Variants in RFX7 observed in about 807,000 individuals in gnomAD.
RFX7 encodes regulatory factor X7.
A neutral mutation model predicts 111.8 loss-of-function variants in RFX7; 26 were observed. The ratio of observed to expected loss-of-function variants is 0.23; its 90% CI spans 0.17 to 0.32. The LOEUF is 0.32. RFX7 is among the 10% of genes least tolerant of loss of function. RFX7 has a pLI of 1.00. For synonymous variants in RFX7, 624 were observed against 624.4 expected (o/e 1.00, Z 0.01); for missense variants, 1,573 against 1,772.9 (o/e 0.89, Z 2.02).
intron 3 of RFX7, 161 bp downstream of exon 3, chr15:56,179,109 C>T: frequency 1.0e-5 from 3 of 293,100 alleles, no homozygotes; most frequent in South Asian, 1.0e-4. Context: ...ATCTAGGTAG[C>T]TTATAAACAA....
chr15:56,117,966 TCC>T (rs1354135714), intron 5 of RFX7, among the ~76,000 whole-genome samples: 7 of 152,140 alleles, frequency 4.6e-5, no homozygotes, highest in Non-Finnish European at 7.4e-5. Flanking sequence ...CAGATTTCTT[TCC>T]TTTGGCTAAA....
intron 2 of RFX7, among the ~76,000 whole-genome samples, chr15:56,213,738 A>G (rs1342316664): frequency 1.3e-5 from 2 of 152,252 alleles, no homozygotes; most frequent in Admixed American, 6.5e-5. Flanking sequence ...ATGTGAACCA[A>G]CAATTATCCC....
chr15:56,213,287 C>T (rs1484211533), intron 2 of RFX7, among the ~76,000 whole-genome samples: 1 of 152,118 alleles, frequency 6.6e-6, no homozygotes, highest in East Asian at 1.9e-4. Flanking sequence ...TGGAATCAAT[C>T]CATATATCCT....
chr15:56,098,360 G>A lies in RFX7; in HGVS notation c.828C>T (p.Thr276=), dbSNP rs753509760. The part of the protein sequence containing the change: ...AAAPAGMKGI[T]QPSAFIPTAE... ...CTGTAGGTATAAAAGCAGAAGGCTG[G>A]GTAATTCCTTTCATTCCTGAAAATA... The change falls in exon 9 of 10, where the codon ACC becomes ACT. Residue 276 remains threonine, a synonymous_variant. Coordinates refer to ENST00000559447, the MANE Select transcript of RFX7 (RefSeq NM_022841.7). The A allele has an allele frequency of 6.3e-7, 1 of 1,598,304 alleles. No homozygotes were observed.
At chr15:56,240,991 A>C (rs1430193134) in intron 2 of RFX7, among the ~76,000 whole-genome samples, 1 of 152,118 alleles carries the variant, frequency 6.6e-6, no homozygotes, top group Non-Finnish European at 1.5e-5. Context: ...TGACACTATT[A>C]AGTATATTTA....
intron 2 of RFX7, among the ~76,000 whole-genome samples, chr15:56,200,149 C>T (rs2043180235): frequency 6.6e-6 from 1 of 152,084 alleles, no homozygotes; most frequent in Non-Finnish European, 1.5e-5. Context: ...AGTGCTGAAC[C>T]TTCAGAGGTA....
chr15:56,211,812 A>G (rs1159388622), intron 2 of RFX7, among the ~76,000 whole-genome samples: 1 of 152,138 alleles, frequency 6.6e-6, no homozygotes, highest in Non-Finnish European at 1.5e-5. Flanking sequence ...AATGCAAACT[A>G]AAACACCAAT....
rs111226902 is a variant in RFX7 at position 56,242,840 on chromosome 15, A to G, written c.161+285T>C. Among the ~76,000 whole-genome samples, 3 of 152,154 alleles carry G rather than the reference A, an allele frequency of 2.0e-5. No homozygotes were observed. In the South Asian group the frequency reaches 6.2e-4, roughly 31 times the overall value. ...ATGCAATATGACTTAATTTCGACCC[A>G]TATTTCTGTTACAATGAGTGAAAAA... On this transcript the variant is annotated intron_variant, in intron 2 of 9. Transcript: ENST00000559447.
chr15:56,140,199 G>A (rs1467690846), intron 5 of RFX7, among the ~76,000 whole-genome samples: 1 of 152,196 alleles, frequency 6.6e-6, no homozygotes, highest in Non-Finnish European at 1.5e-5. Context: ...GCTATGGCGG[G>A]CGCCCCTCCC....
Position 56,096,515 on chromosome 15 carries a change from C to G in RFX7, c.1213G>C (p.Val405Leu), listed in dbSNP as rs753764184. 7 of 1,603,468 alleles carry G rather than the reference C, an allele frequency of 4.4e-6. No homozygotes were observed. The highest frequency in any genetic ancestry group is 6.0e-6 in the Non-Finnish European group (7 of 1,174,870). ...VQVVTQHMQSVKQAPKTPQNV... is the reference protein window; with the variant it reads ...VQVVTQHMQSLKQAPKTPQNV... ...TGGGGAGTCTTTGGTGCCTGTTTCA[C>G]AGACTGCATGTGCTGAGTGACCACC... The change falls in exon 10 of 10, where the codon GTG becomes CTG. Residue 405 changes from valine (V) to leucine (L), a missense_variant. By Grantham distance (32) the Val-to-Leu change is conservative (BLOSUM62 1). Coordinates refer to ENST00000559447, the MANE Select transcript of RFX7 (RefSeq NM_022841.7).
At chr15:56,186,448 A>T (rs1401688288) in intron 2 of RFX7, among the ~76,000 whole-genome samples, 16 of 152,112 alleles carry the variant, frequency 1.1e-4, no homozygotes, top group African/African-American at 3.6e-4. Flanking sequence ...CTATGAATTT[A>T]ATTTCTCTTT....
At chr15:56,232,920 C>T (rs1421224153) in intron 2 of RFX7, among the ~76,000 whole-genome samples, 1 of 152,196 alleles carries the variant, frequency 6.6e-6, no homozygotes, top group Non-Finnish European at 1.5e-5. Context: ...TTCAACAAGT[C>T]TCTAGGGAGT....
intron 5 of RFX7, among the ~76,000 whole-genome samples, chr15:56,137,498 TTCTC>T (rs1274911075): frequency 1.3e-5 from 2 of 152,220 alleles, no homozygotes; most frequent in South Asian, 2.1e-4. Context: ...TATTCGATTC[TTCTC>T]TCTTTTTTTC....
intron 3 of RFX7, among the ~76,000 whole-genome samples, chr15:56,152,840 G>C (rs1005140638): frequency 2.0e-4 from 30 of 146,784 alleles, no homozygotes; most frequent in Admixed American, 6.8e-5. Context: ...AATGAGAGAA[G>C]AGTCAAATAG....
intron 4 of RFX7, 27 bp downstream of exon 4, chr15:56,144,374 T>A: frequency 7.9e-7 from 1 of 1,266,558 alleles, no homozygotes; most frequent in Non-Finnish European, 1.1e-6. Flanking sequence ...AACAGCATAA[T>A]TATAGCAAAG....
At position 56,095,738 on chromosome 15, in the gene RFX7, A is replaced by C. The variant is rs552123695; in HGVS notation, c.1990T>G (p.Leu664Val). Residue 664 changes from leucine to valine, a missense_variant, in exon 10 of 10, where the codon TTG (leucine) becomes GTG (valine). By Grantham distance (32) the Leu-to-Val change is conservative. Around this residue, in one of 7 missense-constraint regions of RFX7, gnomAD observed 625 missense variants for 632.2 expected, o/e 0.99. Transcript: ENST00000559447. ...KSPRKRLSST[L>V]QETQVPPVKK... ...ACAGGAGGCACCTGGGTCTCCTGCAATGTAGAAGACAGTCGTTTTCTTGGG... is the reference window on the plus strand; with the variant it reads ...ACAGGAGGCACCTGGGTCTCCTGCACTGTAGAAGACAGTCGTTTTCTTGGG... 5 of 1,613,802 alleles carry C rather than the reference A, an allele frequency of 3.1e-6. No individual in the cohort carries two copies. The highest frequency in any genetic ancestry group is 4.2e-6 in the Non-Finnish European group (5 of 1,179,868).
rs759625188 is a variant in RFX7 at position 56,142,809 on chromosome 15, G to C, written c.370C>G (p.Leu124Val). 2 of 1,613,294 alleles carry C rather than the reference G, an allele frequency of 1.2e-6. No homozygotes were observed. The highest frequency in any genetic ancestry group is 1.7e-6 in the Non-Finnish European group (2 of 1,179,524). The stretch of plus-strand genomic sequence containing the variant: ...TCATCATAGACTTCCTGTTTGGGCA[G>C]TGAAGTCTCCGGATGTTCCTCTAGG... ...NTLEEHPETS[L>V]PKQEVYDEYK... Residue 124 changes from leucine (L) to valine (V), a missense_variant, in exon 5 of 10, where the codon CTG (leucine) becomes GTG (valine). Transcript: ENST00000559447.
At chr15:56,243,373 G>C in intron 1 of RFX7, 72 bp downstream of exon 1, 1 of 743,872 alleles carries the variant, frequency 1.3e-6, no homozygotes, top group Non-Finnish European at 1.8e-6. Context: ...ACGAAGGGGG[G>C]AGAGGAGGAG....
chr15:56,232,309 C>T (rs979430200), intron 2 of RFX7, among the ~76,000 whole-genome samples: 35 of 152,244 alleles, frequency 2.3e-4, no homozygotes, highest in African/African-American at 8.4e-4. Flanking sequence ...TCCATACATC[C>T]TCTGAAATCT....
Sources: allele counts gnomAD v4.1 joint callset (sites outside exome capture counted in the v4.1 genomes callset), GRCh38; gene constraint gnomAD v4.1.1; regional missense constraint gnomAD v4.1.1; transcripts MANE v1.5; gene names NCBI Gene and HGNC (gene_info 2026-07-23, HGNC 2026-07-21).